The following CUEDC1 variants were observed in gnomAD, a reference collection of about 807,000 sequenced individuals.
The protein encoded by CUEDC1 is CUE domain-containing protein 1.
A neutral mutation model predicts 43.7 loss-of-function variants in CUEDC1; 30 were observed. The observed-to-expected ratio is 0.69, with a 90% CI of 0.51 to 0.93. CUEDC1 has a LOEUF of 0.93. CUEDC1 is among the 40% of genes least tolerant of loss of function. The pLI is 0.00. For missense variants in CUEDC1, 486 were observed against 549.0 expected (o/e 0.89, Z 1.15); for synonymous variants, 223 against 223.6 (o/e 1.00, Z 0.02).
intron 1 of CUEDC1, among the ~76,000 whole-genome samples, chr17:57,952,423 C>T (rs2143256347): frequency 6.6e-6 from 1 of 152,198 alleles, no homozygotes; most frequent in East Asian, 1.9e-4. Flanking sequence ...GACGGGGTTT[C>T]ACCATGTTGG....
At chr17:57,950,141 C>T (rs542081632) in intron 1 of CUEDC1, among the ~76,000 whole-genome samples, 50 of 152,200 alleles carry the variant, frequency 3.3e-4, no homozygotes, top group African/African-American at 1.2e-3. Flanking sequence ...AACCCTTGGC[C>T]CCCACAGCTT....
chr17:57,869,037 G>T, intron 7 of CUEDC1, 85 bp downstream of exon 7: 2 of 1,377,170 alleles, frequency 1.5e-6, no homozygotes, highest in Non-Finnish European at 2.0e-6. Flanking sequence ...CATTACATGT[G>T]CTGAGGGGCT....
intron 1 of CUEDC1, among the ~76,000 whole-genome samples, chr17:57,886,817 G>GTTT (rs777598269): frequency 7.8e-4 from 93 of 118,486 alleles, no homozygotes; most frequent in Non-Finnish European, 8.7e-4. Context: ...AATTCTGGTT[G>GTTT]TTTTTTTTTT....
At chr17:57,942,285 CAG>C (rs1409891034) in intron 1 of CUEDC1, among the ~76,000 whole-genome samples, 1 of 152,224 alleles carries the variant, frequency 6.6e-6, no homozygotes, top group African/African-American at 2.4e-5. Flanking sequence ...GCCATTAGCA[CAG>C]AGAGGACACC....
In CUEDC1 at chr17:57,879,633, C is replaced by T; in HGVS notation, c.442G>A (p.Ala148Thr). 1 of 1,593,742 alleles carries T rather than the reference C, an allele frequency of 6.3e-7. No individual in the cohort carries two copies. ...MHVFDRPYPL[A>T]PPTPPPRIDA... ...CACCGGGGAGGCGGAGTCGGGGGAG[C>T]CAGAGGGTAGGGCCGGTCGAACACG... The change falls in exon 3 of 11, where the codon GCT (alanine) becomes ACT (threonine). Residue 148 changes from alanine to threonine, a missense_variant. Transcript: ENST00000577830.
intron 9 of CUEDC1, 47 bp from the exon 10 acceptor site, chr17:57,866,591 C>T (rs774020038): frequency 1.9e-6 from 3 of 1,590,528 alleles, no homozygotes; most frequent in Non-Finnish European, 1.7e-6. Context: ...TGCAGGGCCT[C>T]GCTCAGGCAC....
At position 57,885,229 on chromosome 17, in the gene CUEDC1, C is replaced by T; in HGVS notation, c.336G>A (p.Glu112=). The stretch of plus-strand genomic sequence containing the variant: ...GGAATTACCCGGGCTGCGCCCCTAC[C>T]TCCGGGGGGATGCTGTCCTCCGAGT... The part of the protein sequence containing the change: ...SSDSEDSIPP[E]ILERTLEPDS... Residue 112 remains glutamate (E), a splice_region_variant and synonymous_variant, in exon 2 of 11, where the codon GAG becomes GAA. Transcript: ENST00000577830. 1.3e-6 allele frequency: 2 copies of T among 1,567,298 alleles called. No individual in the cohort carries two copies. Among genetic ancestry groups the T allele is most frequent in the Non-Finnish European group, 1.7e-6 (2 of 1,154,150 alleles).
chr17:57,873,236 C>T (rs1202285530), intron 4 of CUEDC1, among the ~76,000 whole-genome samples: 1 of 152,200 alleles, frequency 6.6e-6, no homozygotes, highest in Non-Finnish European at 1.5e-5. Flanking sequence ...CACCTTGGGG[C>T]ATGCCAACAT....
chr17:57,886,439 C>T (rs938393845), intron 1 of CUEDC1, among the ~76,000 whole-genome samples: 1 of 152,224 alleles, frequency 6.6e-6, no homozygotes, highest in Non-Finnish European at 1.5e-5. Context: ...TCCATCGAAC[C>T]CCGGGGACAG....
chr17:57,914,924 C>T (rs2074622340), intron 1 of CUEDC1: 1 of 152,158 alleles, frequency 6.6e-6, no homozygotes, highest in South Asian at 2.1e-4. Flanking sequence ...AACCATATGC[C>T]AGGCACTTGG....
intron 1 of CUEDC1, among the ~76,000 whole-genome samples, chr17:57,906,828 C>T (rs111699204): frequency 1.0e-3 from 157 of 152,010 alleles, no homozygotes; most frequent in African/African-American, 3.4e-3. Context: ...AAAAATTAGT[C>T]GGGCGTGATG....
Position 57,954,688 on chromosome 17 carries a change from G to A in CUEDC1, c.-316+537C>T, listed in dbSNP as rs1372882648. On this transcript the variant is annotated intron_variant, in intron 1 of 10. Transcript: ENST00000577830. The surrounding 1 kb of genome is among the most constrained non-coding windows in gnomAD (Gnocchi z 4.3). ...GGACCAAAAAAGGCTGAGCCGACCT[G>A]TGACATCGGCGGGGGGCAGGAAGCG... 1.3e-5 allele frequency among the ~76,000 whole-genome samples: 2 copies of A among 152,124 alleles called. No individual in the cohort carries two copies. The highest frequency in any genetic ancestry group is 1.3e-4 in the Admixed American group (2 of 15,286).
At chr17:57,928,243 G>A (rs16942528) in intron 1 of CUEDC1, among the ~76,000 whole-genome samples, 7,719 of 152,196 alleles carry the variant, frequency 0.051, 295 homozygotes, top group Admixed American at 0.12. Context: ...ATCTGGGACC[G>A]GAAAAAAGCT....
intron 1 of CUEDC1, among the ~76,000 whole-genome samples, chr17:57,945,184 A>G (rs1315475470): frequency 6.6e-6 from 1 of 152,216 alleles, no homozygotes; most frequent in Non-Finnish European, 1.5e-5. Context: ...GCCAGGCTAC[A>G]GAAATATTTC....
chr17:57,880,536 C>T (rs2074189533), intron 2 of CUEDC1, among the ~76,000 whole-genome samples: 1 of 152,258 alleles, frequency 6.6e-6, no homozygotes, highest in East Asian at 1.9e-4. Context: ...TGTCTTTATC[C>T]AGGAGCCAAG....
chr17:57,897,081 C>T (rs1033311744), intron 1 of CUEDC1, among the ~76,000 whole-genome samples: 27 of 151,944 alleles, frequency 1.8e-4, no homozygotes, highest in African/African-American at 5.8e-4. Context: ...ATGTCTTTTG[C>T]ATATTATATC....
At chr17:57,870,277 G>A (rs755858820) in intron 6 of CUEDC1, among the ~76,000 whole-genome samples, 6 of 152,296 alleles carry the variant, frequency 3.9e-5, no homozygotes, top group Middle Eastern at 3.4e-3. Flanking sequence ...AGTAGTCTGC[G>A]CATCCCAGGA....
intron 1 of CUEDC1, among the ~76,000 whole-genome samples, chr17:57,897,912 C>T (rs1481057666): frequency 6.6e-6 from 1 of 152,098 alleles, no homozygotes; most frequent in Non-Finnish European, 1.5e-5. Context: ...ACTCAGGAGG[C>T]TGGAGCAGGA....
At chr17:57,903,641 T>A (rs976691838) in intron 1 of CUEDC1, among the ~76,000 whole-genome samples, 33 of 151,912 alleles carry the variant, frequency 2.2e-4, no homozygotes, top group African/African-American at 8.0e-4. Flanking sequence ...TCTCCACTGT[T>A]TTTTAAATCA....
Sources: allele counts gnomAD v4.1 joint callset (sites outside exome capture counted in the v4.1 genomes callset), GRCh38; gene constraint gnomAD v4.1.1; non-coding constraint Gnocchi (gnomAD v3.1); transcripts MANE v1.5; gene names NCBI Gene and HGNC (gene_info 2026-07-23, HGNC 2026-07-21).